Variants in LHFPL4 observed in about 807,000 individuals in gnomAD.
LHFPL4 encodes the protein LHFPL tetraspan subfamily member 4 protein.
In LHFPL4, 6 loss-of-function variants were observed where a neutral mutation model predicts 20.0. The observed-to-expected ratio is 0.30, with a 90% CI of 0.16 to 0.59. The LOEUF (loss-of-function observed/expected upper bound fraction) is 0.59, where lower values mean the gene tolerates loss of function less well. LHFPL4 is among the 20% of genes least tolerant of loss of function. The probability of loss-of-function intolerance (pLI) is 0.88; values close to 1 mark genes in which losing one functional copy is unlikely to be tolerated. For synonymous variants in LHFPL4, 129 were observed against 143.8 expected (o/e 0.90, Z 0.74); for missense variants, 215 against 331.2 (o/e 0.65, Z 2.72).
intron 3 of LHFPL4, among the ~76,000 whole-genome samples, chr3:9,504,142 A>T (rs910327450): frequency 6.6e-6 from 1 of 152,086 alleles, no homozygotes; most frequent in Non-Finnish European, 1.5e-5. Flanking sequence ...AAGCTGAGGC[A>T]GGCAGATCAC....
At chr3:9,546,324 AAAAAG>A (rs2046512602) in intron 2 of LHFPL4, among the ~76,000 whole-genome samples, 1 of 151,420 alleles carries the variant, frequency 6.6e-6, no homozygotes, top group African/African-American at 2.4e-5. Context: ...GAAAAAAAAA[AAAAAG>A]AAAAAGAAAA....
intron 2 of LHFPL4, among the ~76,000 whole-genome samples, chr3:9,537,293 C>G (rs547552249): frequency 6.6e-6 from 1 of 152,266 alleles, no homozygotes; most frequent in East Asian, 1.9e-4. Context: ...TCCTGGGACA[C>G]TCTTTCTCTA....
chr3:9,502,052 C>G lies in LHFPL4; in HGVS notation c.*159G>C. The G allele has an allele frequency of 1.6e-6, 1 of 640,928 alleles. No homozygotes were observed. Among genetic ancestry groups the G allele is most frequent in the Non-Finnish European group, 2.8e-6 (1 of 353,104 alleles). The allele number at this position is 640,928 out of a possible 1,614,324, so 39.7% of individuals were successfully genotyped here. A position where few individuals can be genotyped will look rare whatever the true frequency, so the allele number is the denominator to read the frequency against. On this transcript the variant is annotated 3_prime_UTR_variant, in exon 4 of 4. Coordinates refer to ENST00000287585, the MANE Select transcript of LHFPL4 (RefSeq NM_198560.3). The stretch of plus-strand genomic sequence containing the variant: ...GCCTCTCCTCTCCCCCAGGCCACAT[C>G]CAGGCTTTCCTCTCCTCAAAGCCTG...
At chr3:9,503,296 C>T (rs2046191743) in intron 3 of LHFPL4, among the ~76,000 whole-genome samples, 1 of 152,168 alleles carries the variant, frequency 6.6e-6, no homozygotes, top group African/African-American at 2.4e-5. Context: ...AGGAGAAGGA[C>T]ACCGAGGGGG....
intron 2 of LHFPL4, among the ~76,000 whole-genome samples, chr3:9,551,341 C>G (rs1181143732): frequency 1.3e-5 from 2 of 152,136 alleles, no homozygotes; most frequent in African/African-American, 2.4e-5. Context: ...CTCCCCCACC[C>G]CTCCCATCCC....
At chr3:9,520,596 G>A (rs2633778) in intron 2 of LHFPL4, among the ~76,000 whole-genome samples, 5,251 of 152,060 alleles carry the variant, frequency 0.035, 137 homozygotes, top group Non-Finnish European at 0.053. Flanking sequence ...CGCCTGCCTC[G>A]GCCACTCAAA....
At chr3:9,514,261 T>C (rs751198170) in intron 2 of LHFPL4, among the ~76,000 whole-genome samples, 20 of 152,304 alleles carry the variant, frequency 1.3e-4, no homozygotes, top group Middle Eastern at 6.8e-3. Context: ...AGCAAGACTC[T>C]TGTTTCCACA....
rs377574645 is a variant in LHFPL4 at position 9,545,202 on chromosome 3, C to A, written c.406+7072G>T. Among the ~76,000 whole-genome samples, 10 of 146,634 alleles carry A rather than the reference C, an allele frequency of 6.8e-5. No individual in the cohort carries two copies. In the East Asian group the frequency reaches 1.4e-3, roughly 20 times the overall value. On this transcript the variant is annotated intron_variant, in intron 2 of 3. Transcript: ENST00000287585. ...AAGGTAAAACAGTGACTCAAAAGTA[C>A]TAAAAAAGAGAGAGGAAGGAAGGGA...
At chr3:9,529,218 G>A (rs892187505) in intron 2 of LHFPL4, among the ~76,000 whole-genome samples, 5 of 151,908 alleles carry the variant, frequency 3.3e-5, no homozygotes, top group East Asian at 1.9e-4. Context: ...TAGTAGAGAC[G>A]GGGTTTCACC....
chr3:9,510,738 G>T (rs1022584419), intron 2 of LHFPL4, among the ~76,000 whole-genome samples: 8 of 152,076 alleles, frequency 5.3e-5, no homozygotes, highest in Non-Finnish European at 8.8e-5. Flanking sequence ...AGGAGTTCGA[G>T]ACCAGCCTGG....
chr3:9,507,351 C>A (rs189786321), intron 2 of LHFPL4, among the ~76,000 whole-genome samples: 279 of 152,250 alleles, frequency 1.8e-3, no homozygotes, highest in Middle Eastern at 3.4e-3. Context: ...CCTGGCTCAG[C>A]TATTTTCTAG....
rs1196201036 is a variant in LHFPL4 at position 9,507,989 on chromosome 3, G to A, written c.407-1786C>T. Among the ~76,000 whole-genome samples, 4 of 152,204 alleles carry A rather than the reference G, an allele frequency of 2.6e-5. No homozygotes were observed. In the South Asian group the frequency reaches 6.2e-4, roughly 24 times the overall value. ...CCAAAGGTTCCAGAGGGCTCTGTTT[G>A]GAACCGTGGGGACCTTGAGCCTGCA... On this transcript the variant is annotated intron_variant, in intron 2 of 3. Transcript: ENST00000287585.
chr3:9,524,803 C>A (rs1173534270), intron 2 of LHFPL4, among the ~76,000 whole-genome samples: 1 of 152,092 alleles, frequency 6.6e-6, no homozygotes, highest in Non-Finnish European at 1.5e-5. Context: ...TTTAGTATCC[C>A]TTGTAATTTT....
At chr3:9,548,481 C>T (rs2046531837) in intron 2 of LHFPL4, among the ~76,000 whole-genome samples, 1 of 152,138 alleles carries the variant, frequency 6.6e-6, no homozygotes, top group Non-Finnish European at 1.5e-5. Flanking sequence ...TGTCTTTGCC[C>T]ATGATCTTCC....
chr3:9,544,573 C>T (rs147937487), intron 2 of LHFPL4, among the ~76,000 whole-genome samples: 4 of 152,202 alleles, frequency 2.6e-5, no homozygotes, highest in Admixed American at 2.0e-4. Flanking sequence ...TGCAGTGAGC[C>T]GAGATCAGAC....
intron 2 of LHFPL4, among the ~76,000 whole-genome samples, chr3:9,536,897 T>A (rs952571530): frequency 1.4e-5 from 2 of 147,876 alleles, no homozygotes; most frequent in African/African-American, 5.0e-5. Flanking sequence ...CCAGCCTGGG[T>A]GACAGAGCGA....
chr3:9,511,785 T>A (rs9825370), intron 2 of LHFPL4, among the ~76,000 whole-genome samples: 45,045 of 152,022 alleles, frequency 0.3, 7,027 homozygotes, highest in Non-Finnish European at 0.35. Context: ...TGAAACTTTC[T>A]CCTTAAAGTT....
At chr3:9,544,214 T>C (rs1008145281) in intron 2 of LHFPL4, among the ~76,000 whole-genome samples, 1 of 152,008 alleles carries the variant, frequency 6.6e-6, no homozygotes, top group Non-Finnish European at 1.5e-5. Context: ...GTACCCTTTT[T>C]ACCTTCCAAA....
intron 2 of LHFPL4, among the ~76,000 whole-genome samples, chr3:9,509,055 C>CT (rs1472925447): frequency 6.6e-6 from 1 of 152,202 alleles, no homozygotes; most frequent in African/African-American, 2.4e-5. Context: ...TGCATCCCGG[C>CT]GCTCCCAGCT....
Sources: gnomAD v4.1 joint callset for allele counts (sites outside exome capture counted in the v4.1 genomes callset) on GRCh38, gnomAD v4.1.1 for gene constraint, MANE v1.5 for transcripts, NCBI Gene and HGNC (gene_info 2026-07-23, HGNC 2026-07-21) for gene names.